E2F7: variants seen among roughly 807,000 people sequenced by gnomAD.
E2F7 encodes the protein E2F transcription factor 7.
Under a neutral mutation model 81.1 loss-of-function variants are expected in E2F7, and 35 were observed. That is an observed-to-expected ratio of 0.43 (90% CI 0.33 to 0.57). The LOEUF is 0.57. Ranked by LOEUF, E2F7 falls within the 20% of genes least tolerant of loss-of-function variation. E2F7 has a pLI of 0.04. For synonymous variants in E2F7, 416 were observed against 416.2 expected (o/e 1.00, Z 0.01); for missense variants, 961 against 1,093.7 (o/e 0.88, Z 1.71).
chr12:77,036,005 C>T (rs148069686), intron 7 of E2F7, among the ~76,000 whole-genome samples: 10 of 10,754 alleles, frequency 9.3e-4, no homozygotes, highest in Admixed American at 2.4e-3. Context: ...ATAAATGAAA[C>T]GAGAAAAAAG....
chr12:77,035,370 G>C (rs1421079750), intron 7 of E2F7, among the ~76,000 whole-genome samples: 1 of 152,180 alleles, frequency 6.6e-6, no homozygotes, highest in African/African-American at 2.4e-5. Context: ...CAAGGCCAGG[G>C]AAAGGACCAT....
chr12:77,044,915 G>T (rs903550712), intron 5 of E2F7, 120 bp from the exon 6 acceptor site: 26 of 1,170,870 alleles, frequency 2.2e-5, no homozygotes, highest in Non-Finnish European at 3.1e-5. Context: ...CCTTGTCATT[G>T]GCAGAAGCTT....
At chr12:77,048,509 T>C (rs17760600) in intron 4 of E2F7, among the ~76,000 whole-genome samples, 11,325 of 152,248 alleles carry the variant, frequency 0.074, 496 homozygotes, top group Middle Eastern at 0.12. Context: ...TAAATCTACA[T>C]GGCACTGGAA....
At chr12:77,058,740 G>C (rs181319859) in intron 2 of E2F7, among the ~76,000 whole-genome samples, 1 of 152,120 alleles carries the variant, frequency 6.6e-6, no homozygotes, top group Non-Finnish European at 1.5e-5. Flanking sequence ...TATAGTGAGC[G>C]CTCGATAAAA....
rs541044975 is a variant in E2F7 at position 77,027,470 on chromosome 12, T to C, written c.2140+413A>G. Among the ~76,000 whole-genome samples the C allele has an allele frequency of 8.9e-4, 135 of 152,332 alleles. 1 individual carries two copies. Among genetic ancestry groups the C allele is most frequent in the African/African-American group, 3.1e-3 (127 of 41,582 alleles). ...CACGCAGATAATAAGTGGTTTTAAA[T>C]GTCAAGCCCTCTTACTCCAGACCTG... On this transcript the variant is annotated intron_variant, in intron 11 of 12. Transcript: ENST00000322886.
chr12:77,049,306 C>T (rs993677837), intron 4 of E2F7, among the ~76,000 whole-genome samples: 1 of 152,178 alleles, frequency 6.6e-6, no homozygotes, highest in Non-Finnish European at 1.5e-5. Flanking sequence ...CTATATTATA[C>T]TTCTGGGCTC....
intron 2 of E2F7, among the ~76,000 whole-genome samples, chr12:77,062,349 T>C (rs1426050557): frequency 1.3e-5 from 2 of 152,154 alleles, no homozygotes; most frequent in Non-Finnish European, 2.9e-5. Context: ...AGCTAATAAA[T>C]GGCAAAGTAG....
At chr12:77,043,304 G>C in intron 6 of E2F7, 105 bp from the exon 7 acceptor site, 1 of 1,489,950 alleles carries the variant, frequency 6.7e-7, no homozygotes, top group Non-Finnish European at 9.2e-7. Flanking sequence ...ACCTCAGGTG[G>C]AAAGCAGCAG....
Position 77,025,927 on chromosome 12 carries a change from G to T in E2F7, c.2196C>A (p.Gly732=). 1 of 1,614,004 alleles carries T rather than the reference G, an allele frequency of 6.2e-7. No individual in the cohort carries two copies. Among genetic ancestry groups the T allele is most frequent in the East Asian group, 2.2e-5 (1 of 44,878 alleles). Residue 732 remains glycine, a synonymous_variant, in exon 12 of 13, where the codon GGC becomes GGA. Transcript: ENST00000322886. ...LSGSQTPPTV[G]PSSGQLPSFS... is the part of the protein sequence containing the mutation. ...AAGACGGCAGCTGACCTGAGGACGG[G>T]CCCACAGTAGGGGGGGTTTGACTGC...
At chr12:77,052,310 G>T (rs1205890656) in intron 3 of E2F7, among the ~76,000 whole-genome samples, 1 of 151,948 alleles carries the variant, frequency 6.6e-6, no homozygotes, top group South Asian at 2.1e-4. Flanking sequence ...ATAAGTTGAG[G>T]GTCCCATTTT....
At chr12:77,053,846 T>C (rs532518103) in intron 3 of E2F7, among the ~76,000 whole-genome samples, 2 of 152,306 alleles carry the variant, frequency 1.3e-5, no homozygotes, top group Admixed American at 1.3e-4. Flanking sequence ...GAAGAATGGT[T>C]ATTCTGTTGG....
chr12:77,042,926 T>G, intron 7 of E2F7, 139 bp downstream of exon 7: 1 of 1,347,448 alleles, frequency 7.4e-7, no homozygotes, highest in Non-Finnish European at 1.0e-6. Flanking sequence ...TGTTAACTGT[T>G]CCAAGAGTGG....
At chr12:77,035,974 AG>A (rs1304972713) in intron 7 of E2F7, among the ~76,000 whole-genome samples, 7 of 148,774 alleles carry the variant, frequency 4.7e-5, no homozygotes, top group African/African-American at 1.8e-4. Flanking sequence ...GTAGAAATAA[AG>A]AATATGAATA....
chr12:77,051,088 C>G (rs971694923), intron 3 of E2F7, among the ~76,000 whole-genome samples: 2 of 152,166 alleles, frequency 1.3e-5, no homozygotes, highest in Admixed American at 1.3e-4. Context: ...GAAGCTCAGG[C>G]ATCAGCTGTA....
intron 10 of E2F7, 138 bp from the exon 11 acceptor site, chr12:77,028,276 T>A (rs915864575): frequency 1.9e-5 from 21 of 1,129,716 alleles, no homozygotes; most frequent in Admixed American, 2.8e-5. Flanking sequence ...CACTGCAACC[T>A]CTGACTCCAA....
rs756404171 is a variant in E2F7, at chr12:77,027,931, T to C, written c.2092A>G (p.Thr698Ala). The change falls in exon 11 of 13, where the codon ACC becomes GCC. Residue 698 changes from threonine to alanine, a missense_variant. Physicochemically the swap from Thr to Ala is moderately conservative, Grantham distance 58. Transcript: ENST00000322886. ...TATTGTAGCAAAGAAGGCTCTTTGG[T>C]GCTTTCATTTTCTTTTGAAGGCTTT... ...VEKPSKENES[T>A]KEPSLLQYLC... 1.9e-6 allele frequency: 3 copies of C among 1,614,068 alleles called. No individual in the cohort carries two copies. The South Asian group carries it at 3.3e-5, about 18-fold the overall frequency.
chr12:77,037,228 T>C (rs310790), intron 7 of E2F7, among the ~76,000 whole-genome samples: 123,587 of 152,166 alleles, frequency 0.81, 50,447 homozygotes, highest in African/African-American at 0.84. Context: ...AAAAAAATGA[T>C]AAGCACTGGA....
chr12:77,062,397 T>C (rs975596633), intron 2 of E2F7, among the ~76,000 whole-genome samples: 1 of 152,214 alleles, frequency 6.6e-6, no homozygotes, highest in Non-Finnish European at 1.5e-5. Flanking sequence ...TTAAACCCCA[T>C]GTTTTCATTA....
Position 77,046,044 on chromosome 12 carries a change from G to A in E2F7, c.823C>T (p.Pro275Ser), listed in dbSNP as rs766814869. 11 of 1,613,382 alleles carry A rather than the reference G, an allele frequency of 6.8e-6. No individual in the cohort carries two copies. Among genetic ancestry groups the A allele is most frequent in the South Asian group, 2.2e-5 (2 of 90,970 alleles). The change falls in exon 5 of 13, where the codon CCC (proline) becomes TCC (serine). Residue 275 changes from proline to serine, a missense_variant. Around this residue, in one of 3 missense-constraint regions of E2F7, gnomAD observed 301 missense variants for 405.0 expected, o/e 0.74. Transcript: ENST00000322886. ...GAAGTTACAATGGACTCACAAGAGG[G>A]ACAGTCGGGTTCAGAGAAATCCAGT... The part of the protein sequence containing the change: ...QLLDFSEPDC[P>S]SSSANSRKDK...
Sources: allele counts gnomAD v4.1 joint callset (sites outside exome capture counted in the v4.1 genomes callset), GRCh38; gene constraint gnomAD v4.1.1; regional missense constraint gnomAD v4.1.1; transcripts MANE v1.5; gene names NCBI Gene and HGNC (gene_info 2026-07-23, HGNC 2026-07-21).